Variants in NLRP4 observed in about 807,000 individuals in gnomAD.
NLRP4 encodes NACHT, LRR and PYD domains-containing protein 4.
In NLRP4, 44 loss-of-function variants were observed where a neutral mutation model predicts 84.7. That is an observed-to-expected ratio of 0.52 (90% CI 0.41 to 0.67). The LOEUF is 0.67. NLRP4 is among the 30% of genes least tolerant of loss of function. NLRP4 has a pLI of 0.00. For missense variants in NLRP4, 1,260 were observed against 1,219.4 expected (o/e 1.03, Z -0.50); for synonymous variants, 544 against 476.4 (o/e 1.14, Z -1.85).
chr19:55,873,437 T>C (rs964732390), intron 7 of NLRP4, among the ~76,000 whole-genome samples: 1 of 152,234 alleles, frequency 6.6e-6, no homozygotes, highest in Middle Eastern at 3.4e-3. Context: ...AAACAAGATA[T>C]ATATTTGAAT....
chr19:55,849,949 C>CCGTGGCTGCGGTGTGATTTCCGAGGCTG (rs1983973893), intron 1 of NLRP4, among the ~76,000 whole-genome samples: 1 of 143,586 alleles, frequency 7.0e-6, no homozygotes, highest in African/African-American at 2.8e-5. Flanking sequence ...GGTGTAATTT[C>CCGTGGCTGCGGTGTGATTTCCGAGGCTG]CGAGACTGCG....
intron 7 of NLRP4, among the ~76,000 whole-genome samples, chr19:55,872,995 T>C (rs1985245307): frequency 6.6e-6 from 1 of 152,062 alleles, no homozygotes; most frequent in South Asian, 2.1e-4. Context: ...GGCAGTACAG[T>C]GAGATATTCA....
chr19:55,837,523 C>T (rs1983393271), intron 1 of NLRP4, among the ~76,000 whole-genome samples: 1 of 151,842 alleles, frequency 6.6e-6, no homozygotes, highest in Admixed American at 6.6e-5. Flanking sequence ...GACTATGAAA[C>T]GTATATAGAA....
intron 5 of NLRP4, among the ~76,000 whole-genome samples, 177 bp downstream of exon 5, chr19:55,862,336 AC>A (rs1984796990): frequency 7.7e-6 from 1 of 129,698 alleles, no homozygotes; most frequent in African/African-American, 2.9e-5. Context: ...GTTTATTGAG[AC>A]CACTGATTGG....
Position 55,879,357 on chromosome 19 carries a change from C to T in NLRP4, c.2867+393C>T, listed in dbSNP as rs561273318. ...AGGGGTCTCGGAAAAATGGATTGCCCGATCCATGGTGAAATGCAGAGGGTT... is the reference window on the plus strand; with the variant it reads ...AGGGGTCTCGGAAAAATGGATTGCCTGATCCATGGTGAAATGCAGAGGGTT... On this transcript the variant is annotated intron_variant, in intron 9 of 9. Transcript: ENST00000301295. Among the ~76,000 whole-genome samples the T allele has an allele frequency of 3.5e-4, 54 of 152,178 alleles. 1 individual carries two copies. Among genetic ancestry groups the T allele is most frequent in the East Asian group, 1.3e-3 (7 of 5,186 alleles).
rs1984568370 is a variant in NLRP4, at chr19:55,858,584, G to A, written c.1191G>A (p.Lys397=). 1 of 1,614,186 alleles carries A rather than the reference G, an allele frequency of 6.2e-7. No individual in the cohort carries two copies. The highest frequency in any genetic ancestry group is 8.5e-7 in the Non-Finnish European group (1 of 1,180,014). Residue 397 remains lysine (K), a synonymous_variant, in exon 3 of 10, where the codon AAG becomes AAA. Coordinates refer to ENST00000301295, the MANE Select transcript of NLRP4 (RefSeq NM_134444.5). The surrounding 1 kb of genome is among the most constrained non-coding windows in gnomAD (Gnocchi z 4.2). ...GPTPQTQHQL[K]ALCSLAAEGM... Reference sequence around the variant, plus strand: ...CTCCGCAAACCCAGCACCAGCTGAAGGCCCTGTGCTCCCTGGCTGCAGAGG... The same window carrying A: ...CTCCGCAAACCCAGCACCAGCTGAAAGCCCTGTGCTCCCTGGCTGCAGAGG...
intron 5 of NLRP4, among the ~76,000 whole-genome samples, chr19:55,866,066 C>T (rs1316755407): frequency 1.3e-5 from 2 of 152,178 alleles, no homozygotes; most frequent in East Asian, 3.9e-4. Flanking sequence ...ATGAGTCTCA[C>T]TCTGTCACCC....
chr19:55,850,013 G>T (rs796476223), intron 1 of NLRP4, among the ~76,000 whole-genome samples: 2 of 113,166 alleles, frequency 1.8e-5, no homozygotes, highest in Non-Finnish European at 3.3e-5. Flanking sequence ...TGATTTCCGA[G>T]ACTGCGGTGT....
chr19:55,875,059 C>A, intron 7 of NLRP4, among the ~76,000 whole-genome samples: 1 of 152,020 alleles, frequency 6.6e-6, no homozygotes, highest in East Asian at 1.9e-4. Context: ...TTAAGACATA[C>A]AATTCTTGAA....
chr19:55,837,286 A>G (rs59624272), intron 1 of NLRP4, among the ~76,000 whole-genome samples: 5,343 of 152,120 alleles, frequency 0.035, 339 homozygotes, highest in African/African-American at 0.12. Flanking sequence ...GGAGATGAAA[A>G]ACTGTACACC....
intron 1 of NLRP4, among the ~76,000 whole-genome samples, chr19:55,837,429 C>T (rs1265731397): frequency 6.6e-6 from 1 of 152,196 alleles, no homozygotes; most frequent in Non-Finnish European, 1.5e-5. Flanking sequence ...TGAACACCAG[C>T]ACCTATTCCT....
intron 3 of NLRP4, among the ~76,000 whole-genome samples, chr19:55,859,711 T>G (rs148942059): frequency 2.4e-4 from 36 of 151,956 alleles, no homozygotes; most frequent in African/African-American, 8.2e-4. Context: ...GTGGATCACT[T>G]AAGGTCAGGA....
At chr19:55,859,294 G>A in intron 3 of NLRP4, 45 bp downstream of exon 3, 1 of 1,493,360 alleles carries the variant, frequency 6.7e-7, no homozygotes, top group Non-Finnish European at 9.0e-7. Flanking sequence ...GAATCTGTCT[G>A]TATTCCCAAG....
At chr19:55,849,004 C>T (rs973107154) in intron 1 of NLRP4, among the ~76,000 whole-genome samples, 1 of 152,156 alleles carries the variant, frequency 6.6e-6, no homozygotes, top group Non-Finnish European at 1.5e-5. Flanking sequence ...GCCTCCCCAG[C>T]CACATGGAAC....
At position 55,870,993 on chromosome 19, in the gene NLRP4, C is replaced by T; in HGVS notation, c.2521C>T (p.Leu841=). The stretch of plus-strand genomic sequence containing the variant: ...ACATCCGGACTGCTGCCTGGATTCA[C>T]TGTGGTAGGCTTTTTGCTGTTTCTT... ...LKHPDCCLDS[L]CLVKCFITAA... Residue 841 remains leucine (L), a synonymous_variant, in exon 7 of 10, where the codon CTG becomes TTG. Coordinates refer to ENST00000301295, the MANE Select transcript of NLRP4 (RefSeq NM_134444.5). 2 of 1,613,516 alleles carry T rather than the reference C, an allele frequency of 1.2e-6. No individual in the cohort carries two copies. The highest frequency in any genetic ancestry group is 8.5e-7 in the Non-Finnish European group (1 of 1,179,486).
chr19:55,858,853 AT>A lies in NLRP4; in HGVS notation c.1464del (p.Phe488LeufsTer16), dbSNP rs1202298302. 1 of 1,614,094 alleles carries A rather than the reference AT, an allele frequency of 6.2e-7. No individual in the cohort carries two copies. Among genetic ancestry groups the A allele is most frequent in the Admixed American group, 1.7e-5 (1 of 60,000 alleles). On this transcript the variant is annotated frameshift_variant, in exon 3 of 10. Coordinates refer to ENST00000301295, the MANE Select transcript of NLRP4 (RefSeq NM_134444.5). LOFTEE classifies it high-confidence loss of function. This position sits in a 1 kb window ranked among gnomAD's most constrained non-coding sequence, Gnocchi z 4.2. ...VRCVQELLVA[N>X]FEKARRAHWI... ...TGTGTACAGGAATTGCTAGTTGCCA[AT>A]TTTGAAAAAGCAAGGAGAGCACATT... is the stretch of plus-strand genomic sequence containing the variant.
Position 55,857,657 on chromosome 19 carries a change from T to G in NLRP4, c.281-17T>G. 3 of 1,608,816 alleles carry G rather than the reference T, an allele frequency of 1.9e-6. No homozygotes were observed. The highest frequency in any genetic ancestry group is 2.5e-6 in the Non-Finnish European group (3 of 1,178,810). ...TAACTTTGTGGGTTTTCTCTCCTCT[T>G]GCCCTCACTGACTCAGGATACACAA... On this transcript the variant is annotated splice_polypyrimidine_tract_variant and intron_variant, in intron 2 of 9. Transcript: ENST00000301295.
chr19:55,856,950 G>T (rs1486064625), intron 2 of NLRP4, among the ~76,000 whole-genome samples: 4 of 152,186 alleles, frequency 2.6e-5, no homozygotes, highest in Non-Finnish European at 5.9e-5. Context: ...GGAGGCAACT[G>T]CCTAGGTCAG....
chr19:55,852,343 T>C lies in NLRP4; in HGVS notation c.263T>C (p.Val88Ala). ...GATAGAAAGGATCTCTGCATGAAGG[T>C]CATGAGGGAGAGAACAGGTGAGGGA... ...KMDRKDLCMK[V>A]MRERTGYTKT... The change falls in exon 2 of 10, where the codon GTC (valine) becomes GCC (alanine). Residue 88 changes from valine (V) to alanine (A), a missense_variant. Coordinates refer to ENST00000301295, the MANE Select transcript of NLRP4 (RefSeq NM_134444.5). The C allele has an allele frequency of 6.2e-7, 1 of 1,602,416 alleles. No homozygotes were observed. Among genetic ancestry groups the C allele is most frequent in the Non-Finnish European group, 8.5e-7 (1 of 1,176,346 alleles).
Sources: gnomAD v4.1 joint callset for allele counts (sites outside exome capture counted in the v4.1 genomes callset) on GRCh38, gnomAD v4.1.1 for gene constraint, Gnocchi (gnomAD v3.1) non-coding constraint, MANE v1.5 for transcripts, NCBI Gene and HGNC (gene_info 2026-07-23, HGNC 2026-07-21) for gene names.